Variants in DNAH3 observed in about 807,000 individuals in gnomAD.
DNAH3 encodes dynein axonemal heavy chain 3.
DNAH3 carries 332 observed loss-of-function variants against 432.5 expected under a neutral mutation model. The observed-to-expected ratio is 0.77, with a 90% CI of 0.70 to 0.84. The LOEUF (loss-of-function observed/expected upper bound fraction) is 0.84. DNAH3 is among the 40% of genes least tolerant of loss of function. The probability of loss-of-function intolerance (pLI) is 0.00; values close to 1 mark genes in which losing one functional copy is unlikely to be tolerated. For synonymous variants in DNAH3, 1,956 were observed against 1,900.2 expected (o/e 1.03, Z -0.76); for missense variants, 4,861 against 5,114.0 (o/e 0.95, Z 1.51).
At chr16:21,021,635 C>T (rs990425135) in intron 40 of DNAH3, among the ~76,000 whole-genome samples, 12 of 152,068 alleles carry the variant, frequency 7.9e-5, no homozygotes, top group African/African-American at 2.7e-4. Context: ...GTAGCCCAGG[C>T]GCTGTGGCTT....
intron 44 of DNAH3, among the ~76,000 whole-genome samples, chr16:20,988,370 T>C (rs778309858): frequency 7.2e-5 from 11 of 152,272 alleles, no homozygotes; most frequent in Non-Finnish European, 7.3e-5. Flanking sequence ...GAAGTTCTAC[T>C]GAGTGCTAGT....
intron 41 of DNAH3, among the ~76,000 whole-genome samples, chr16:21,012,498 G>C (rs1312771821): frequency 6.6e-6 from 1 of 152,048 alleles, no homozygotes; most frequent in African/African-American, 2.4e-5. Flanking sequence ...AAATACATGA[G>C]GCAAAACTGA....
intron 51 of DNAH3, among the ~76,000 whole-genome samples, chr16:20,972,572 T>C (rs35910592): frequency 0.075 from 11,328 of 151,886 alleles, 588 homozygotes; most frequent in East Asian, 0.17. Flanking sequence ...ACCTCGTGTC[T>C]ATTCTACCAG....
At chr16:21,130,684 C>T (rs1003974891) in intron 7 of DNAH3, among the ~76,000 whole-genome samples, 1 of 152,120 alleles carries the variant, frequency 6.6e-6, no homozygotes. Flanking sequence ...CTGTTGCTGG[C>T]ATAATCTTCC....
intron 37 of DNAH3, among the ~76,000 whole-genome samples, chr16:21,028,088 G>A (rs935565005): frequency 6.6e-6 from 1 of 152,194 alleles, no homozygotes; most frequent in African/African-American, 2.4e-5. Context: ...TGGGGCTCAA[G>A]CGATCCTCCC....
intron 52 of DNAH3, among the ~76,000 whole-genome samples, chr16:20,965,912 C>T (rs2085034551): frequency 6.6e-6 from 1 of 150,554 alleles, no homozygotes; most frequent in Non-Finnish European, 1.5e-5. Context: ...AGGGTTTTAC[C>T]ATGTTGACCA....
chr16:20,943,070 C>T (rs1009229096), intron 58 of DNAH3, among the ~76,000 whole-genome samples: 5 of 151,724 alleles, frequency 3.3e-5, no homozygotes, highest in South Asian at 4.2e-4. Flanking sequence ...ACTACAGGCA[C>T]GCACCACCAC....
chr16:20,935,258 C>T (rs892393088), intron 61 of DNAH3, 90 bp downstream of exon 61: 15 of 1,512,854 alleles, frequency 9.9e-6, no homozygotes, highest in East Asian at 2.3e-5. Flanking sequence ...TGGGTCTTAA[C>T]ACATCCACAT....
At chr16:20,956,041 C>T (rs1342562858) in intron 54 of DNAH3, among the ~76,000 whole-genome samples, 1 of 151,972 alleles carries the variant, frequency 6.6e-6, no homozygotes, top group Non-Finnish European at 1.5e-5. Flanking sequence ...GATTCTCCTG[C>T]CTCAGCCTCC....
chr16:21,081,940 CT>C (rs1206058923), intron 19 of DNAH3, among the ~76,000 whole-genome samples: 1 of 152,150 alleles, frequency 6.6e-6, no homozygotes, highest in East Asian at 1.9e-4. Context: ...CAGTCTCACT[CT>C]GTCTCCCAGG....
At chr16:20,957,783 G>A (rs1284569795) in intron 54 of DNAH3, among the ~76,000 whole-genome samples, 2 of 110,642 alleles carry the variant, frequency 1.8e-5, no homozygotes, top group African/African-American at 6.9e-5. Context: ...CTCCAGCCTG[G>A]GCAATAAGAG....
At chr16:20,978,878 A>C (rs973851045) in intron 50 of DNAH3, among the ~76,000 whole-genome samples, 6 of 151,890 alleles carry the variant, frequency 4.0e-5, no homozygotes, top group Non-Finnish European at 8.8e-5. Flanking sequence ...TCTGAGGCTC[A>C]AAGAAGTGAA....
At position 21,071,668 on chromosome 16, in the gene DNAH3, G is replaced by A. The variant is rs558374768; in HGVS notation, c.3085-842C>T. ...TTTGGGAGGCTGAGGTAGGAGGATCGCTTGAGTCCCAGAATTCAAGACCAG... is the reference window on the plus strand; with the variant it reads ...TTTGGGAGGCTGAGGTAGGAGGATCACTTGAGTCCCAGAATTCAAGACCAG... On this transcript the variant is annotated intron_variant, in intron 21 of 61. Transcript: ENST00000261383. Among the ~76,000 whole-genome samples the A allele has an allele frequency of 3.3e-5, 5 of 152,090 alleles. No individual in the cohort carries two copies. The South Asian group carries it at 6.2e-4, about 19-fold the overall frequency.
At position 21,062,621 on chromosome 16, in the gene DNAH3, C is replaced by T. The variant is rs764567676; in HGVS notation, c.3581G>A (p.Arg1194Gln). Residue 1194 changes from arginine to glutamine, a missense_variant, in exon 25 of 62, where the codon CGA becomes CAA. Physicochemically the swap from Arg to Gln is conservative, Grantham distance 43. Coordinates refer to ENST00000261383, the Ensembl canonical transcript of DNAH3. Reference sequence around the variant, plus strand: ...GCACTTCTTCAAGTGCGGCTGCACTCGGAGAGGGTCCTTTGTCTCGGACAA... The same window carrying T: ...GCACTTCTTCAAGTGCGGCTGCACTTGGAGAGGGTCCTTTGTCTCGGACAA... 5 of 1,614,048 alleles carry T rather than the reference C, an allele frequency of 3.1e-6. No individual in the cohort carries two copies. The highest frequency in any genetic ancestry group is 1.7e-5 in the Admixed American group (1 of 60,014).
chr16:20,950,030 T>C (rs999124831), intron 56 of DNAH3, among the ~76,000 whole-genome samples: 1 of 152,216 alleles, frequency 6.6e-6, no homozygotes, highest in African/African-American at 2.4e-5. Flanking sequence ...TTACTAGTTT[T>C]AGAGACGGGA....
chr16:21,088,384 T>C (rs1044237318), intron 18 of DNAH3, among the ~76,000 whole-genome samples: 1 of 152,106 alleles, frequency 6.6e-6, no homozygotes, highest in Non-Finnish European at 1.5e-5. Context: ...CACTCTATAG[T>C]TGTAAGAGTG....
At chr16:20,977,367 A>G (rs773363658) in intron 50 of DNAH3, among the ~76,000 whole-genome samples, 1 of 152,114 alleles carries the variant, frequency 6.6e-6, no homozygotes, top group Non-Finnish European at 1.5e-5. Flanking sequence ...ATGGAATGAG[A>G]CTCTGTCAAA....
chr16:20,963,663 G>T lies in DNAH3; in HGVS notation c.10221C>A (p.Tyr3407Ter). Residue 3407 changes from tyrosine (Y) to a stop codon, truncating the protein, a stop_gained, in exon 53 of 62, where the codon TAC becomes TAA. Transcript: ENST00000261383. LOFTEE classifies it high-confidence loss of function. ...ACAGCCATTGGGGAGCTGGATTGGG[G>T]TAGGGGTTATCCAGTGCGATGCCTC... The T allele has an allele frequency of 6.2e-7, 1 of 1,614,030 alleles. No homozygotes were observed. Among genetic ancestry groups the T allele is most frequent in the Non-Finnish European group, 8.5e-7 (1 of 1,180,014 alleles).
chr16:21,059,710 G>A (rs2090275988), intron 26 of DNAH3, among the ~76,000 whole-genome samples: 1 of 151,836 alleles, frequency 6.6e-6, no homozygotes, highest in Admixed American at 6.6e-5. Flanking sequence ...AGGAGGTGGA[G>A]GTTGCAGTGA....
Sources: allele counts gnomAD v4.1 joint callset (sites outside exome capture counted in the v4.1 genomes callset), GRCh38; gene constraint gnomAD v4.1.1; transcripts MANE v1.5; gene names NCBI Gene and HGNC (gene_info 2026-07-23, HGNC 2026-07-21).